The following TTC1 variants were observed in gnomAD, a reference collection of about 807,000 sequenced individuals.
The protein encoded by TTC1 is tetratricopeptide repeat domain 1.
In TTC1, 31 loss-of-function variants were observed where a neutral mutation model predicts 37.6. The ratio of observed to expected loss-of-function variants is 0.82; its 90% confidence interval spans 0.62 to 1.11. The LOEUF (loss-of-function observed/expected upper bound fraction) is 1.11. TTC1 is among the 50% of genes most tolerant of loss of function. The probability of loss-of-function intolerance (pLI) is 0.00; values close to 1 mark genes in which losing one functional copy is unlikely to be tolerated. For synonymous variants in TTC1, 127 were observed against 122.4 expected (o/e 1.04, Z -0.25); for missense variants, 351 against 339.0 (o/e 1.04, Z -0.28).
chr5:160,031,148 T>G (rs1177675226), intron 2 of TTC1, among the ~76,000 whole-genome samples: 2 of 152,198 alleles, frequency 1.3e-5, no homozygotes, highest in African/African-American at 2.4e-5. Context: ...AGTTCAACTT[T>G]CTCCTCAAAG....
chr5:160,017,686 C>T (rs1756631565), intron 2 of TTC1, among the ~76,000 whole-genome samples: 1 of 152,102 alleles, frequency 6.6e-6, no homozygotes, highest in Non-Finnish European at 1.5e-5. Context: ...TGTAAATTTC[C>T]TAGGTAATTC....
chr5:160,032,702 CTTTTTTTTTTTTT>C (rs70987990), intron 2 of TTC1, among the ~76,000 whole-genome samples: 20 of 74,712 alleles, frequency 2.7e-4, no homozygotes, highest in Non-Finnish European at 3.5e-4. Context: ...TACCTGCTTT[CTTTTTTTTTTTTT>C]TTTTTTTTTT....
intron 5 of TTC1, among the ~76,000 whole-genome samples, chr5:160,047,946 A>G (rs1297064632): frequency 6.6e-6 from 1 of 152,152 alleles, no homozygotes; most frequent in Non-Finnish European, 1.5e-5. Flanking sequence ...CTTGCCTACT[A>G]GAATAGCATA....
rs542741704 is a variant in TTC1 at position 160,031,637 on chromosome 5, A to AT, written c.331-3503_331-3502insT. Among the ~76,000 whole-genome samples, 154 of 152,138 alleles carry AT rather than the reference A, an allele frequency of 1.0e-3. No individual in the cohort carries two copies. In the Middle Eastern group the frequency reaches 0.01, roughly 10 times the overall value. ...TCAAAAAAAATAAATAAATAAATAA[A>AT]AAATAACCTCAGAATTACATTCTGG... On this transcript the variant is annotated intron_variant, in intron 2 of 7. Coordinates refer to ENST00000231238, the MANE Select transcript of TTC1 (RefSeq NM_003314.3).
chr5:160,055,358 G>A (rs1210211224), intron 7 of TTC1, among the ~76,000 whole-genome samples: 1 of 152,170 alleles, frequency 6.6e-6, no homozygotes, highest in Non-Finnish European at 1.5e-5. Flanking sequence ...AGGCTGCATG[G>A]GCTACTTTTC....
intron 2 of TTC1, among the ~76,000 whole-genome samples, chr5:160,022,933 C>T (rs1334356537): frequency 6.6e-6 from 1 of 152,090 alleles, no homozygotes; most frequent in Non-Finnish European, 1.5e-5. Flanking sequence ...GTTATTCATT[C>T]AGCAGACATT....
chr5:160,021,131 T>G (rs1756698056), intron 2 of TTC1, among the ~76,000 whole-genome samples: 1 of 152,166 alleles, frequency 6.6e-6, no homozygotes, highest in South Asian at 2.1e-4. Context: ...TGTCTAAGCA[T>G]CACAGGAAAT....
intron 2 of TTC1, chr5:160,023,734 C>T: frequency 1.9e-6 from 3 of 1,610,592 alleles, no homozygotes; most frequent in Non-Finnish European, 2.5e-6. Flanking sequence ...CTATGTGCTT[C>T]TTCTTGTGCT....
At chr5:160,060,681 G>A (rs528571235) in intron 7 of TTC1, among the ~76,000 whole-genome samples, 2 of 152,298 alleles carry the variant, frequency 1.3e-5, no homozygotes, top group East Asian at 1.9e-4. Flanking sequence ...CACCCAACCT[G>A]ACTCTAAACA....
At chr5:160,030,399 T>C (rs1240263827) in intron 2 of TTC1, among the ~76,000 whole-genome samples, 1 of 152,194 alleles carries the variant, frequency 6.6e-6, no homozygotes, top group Non-Finnish European at 1.5e-5. Flanking sequence ...CTTGATGTAG[T>C]GTGAACAAGA....
chr5:160,029,122 G>A (rs1384920680), intron 2 of TTC1, among the ~76,000 whole-genome samples: 1 of 152,112 alleles, frequency 6.6e-6, no homozygotes, highest in Non-Finnish European at 1.5e-5. Flanking sequence ...TTAGTAAAGT[G>A]GCTATTCTGA....
intron 5 of TTC1, among the ~76,000 whole-genome samples, chr5:160,048,452 G>A (rs1164179963): frequency 2.0e-5 from 3 of 152,082 alleles, no homozygotes; most frequent in Non-Finnish European, 4.4e-5. Context: ...ACCACACCCG[G>A]CCAGCACTGC....
At chr5:160,032,390 A>T (rs1457911989) in intron 2 of TTC1, among the ~76,000 whole-genome samples, 1 of 152,178 alleles carries the variant, frequency 6.6e-6, no homozygotes, top group African/African-American at 2.4e-5. Context: ...CTGTTAACTG[A>T]ATTTGTTATG....
chr5:160,059,058 C>G (rs1757626906), intron 7 of TTC1, among the ~76,000 whole-genome samples: 1 of 152,212 alleles, frequency 6.6e-6, no homozygotes, highest in African/African-American at 2.4e-5. Context: ...TAAATGAGCA[C>G]TGGCCTCAAC....
intron 2 of TTC1, among the ~76,000 whole-genome samples, chr5:160,018,694 G>T (rs1273119338): frequency 1.3e-5 from 2 of 152,182 alleles, no homozygotes; most frequent in African/African-American, 4.8e-5. Context: ...TTAAGCCAGG[G>T]AGAGACGGAA....
At chr5:160,015,096 G>C (rs1756577507) in intron 2 of TTC1, among the ~76,000 whole-genome samples, 1 of 152,170 alleles carries the variant, frequency 6.6e-6, no homozygotes, top group Non-Finnish European at 1.5e-5. Flanking sequence ...GATGGGGCCA[G>C]TCACCAAAAA....
intron 5 of TTC1, 51 bp downstream of exon 5, chr5:160,043,220 G>T: frequency 6.2e-7 from 1 of 1,604,716 alleles, no homozygotes; most frequent in Non-Finnish European, 8.5e-7. Flanking sequence ...CATTATGTCA[G>T]ACAGAGGGGC....
intron 2 of TTC1, among the ~76,000 whole-genome samples, chr5:160,016,592 T>C (rs1218648846): frequency 6.6e-6 from 1 of 152,186 alleles, no homozygotes; most frequent in Non-Finnish European, 1.5e-5. Flanking sequence ...GGTATGATTA[T>C]TAGGGAATTT....
chr5:160,046,460 A>G (rs909581416), intron 5 of TTC1, among the ~76,000 whole-genome samples: 1 of 151,640 alleles, frequency 6.6e-6, no homozygotes, highest in Non-Finnish European at 1.5e-5. Context: ...AAGTCTCTAG[A>G]TCTTAGTTGA....
Sources: gnomAD v4.1 joint callset for allele counts (sites outside exome capture counted in the v4.1 genomes callset) on GRCh38, gnomAD v4.1.1 for gene constraint, MANE v1.5 for transcripts, NCBI Gene and HGNC (gene_info 2026-07-23, HGNC 2026-07-21) for gene names.